The following DPP10 variants were observed in gnomAD, a reference collection of about 807,000 sequenced individuals.
DPP10 encodes the protein dipeptidyl peptidase like 10, also known as inactive dipeptidyl peptidase 10.
Under a neutral mutation model 120.9 loss-of-function variants are expected in DPP10, and 33 were observed. The ratio of observed to expected loss-of-function variants is 0.27; its 90% CI spans 0.21 to 0.37. DPP10 has a LOEUF of 0.37. Among genes scored for constraint, DPP10 ranks in the 10% least tolerant of loss-of-function variants. The pLI, the probability that DPP10 is intolerant of heterozygous loss-of-function variation, is 1.00. For synonymous variants in DPP10, 337 were observed against 326.1 expected (o/e 1.03, Z -0.36); for missense variants, 816 against 942.8 (o/e 0.87, Z 1.76).
intron 12 of DPP10, among the ~76,000 whole-genome samples, chr2:115,763,936 A>T (rs1475576039): frequency 6.6e-6 from 1 of 152,146 alleles, no homozygotes; most frequent in South Asian, 2.1e-4. Context: ...GGGACTTCAT[A>T]AGTGCCCTTC....
intron 1 of DPP10, among the ~76,000 whole-genome samples, chr2:114,899,107 T>A (rs532274112): frequency 6.6e-6 from 1 of 151,960 alleles, no homozygotes; most frequent in African/African-American, 2.4e-5. Flanking sequence ...TTCAAAATGA[T>A]CATGAATAGA....
chr2:114,543,760 T>C (rs969660262), intron 1 of DPP10, among the ~76,000 whole-genome samples: 3 of 152,070 alleles, frequency 2.0e-5, no homozygotes, highest in Non-Finnish European at 4.4e-5. Flanking sequence ...TTTTTTTTTT[T>C]CTCCTTGTAT....
chr2:115,035,663 T>C (rs1704179137), intron 1 of DPP10, among the ~76,000 whole-genome samples: 1 of 152,172 alleles, frequency 6.6e-6, no homozygotes, highest in Admixed American at 6.5e-5. Context: ...ATCCTTTACA[T>C]TTATACCCCA....
intron 1 of DPP10, among the ~76,000 whole-genome samples, chr2:114,449,933 A>G (rs1293735146): frequency 6.6e-6 from 1 of 152,194 alleles, no homozygotes; most frequent in Middle Eastern, 3.2e-3. Context: ...CATCTGCAAG[A>G]TTTCATCATG....
intron 21 of DPP10, among the ~76,000 whole-genome samples, chr2:115,821,303 T>A (rs1420367570): frequency 2.0e-5 from 3 of 152,166 alleles, no homozygotes; most frequent in Non-Finnish European, 4.4e-5. Context: ...ACAGAATTAT[T>A]ATATCTTCTG....
At chr2:114,465,654 A>G (rs1345979974) in intron 1 of DPP10, among the ~76,000 whole-genome samples, 1 of 152,204 alleles carries the variant, frequency 6.6e-6, no homozygotes, top group Non-Finnish European at 1.5e-5. Flanking sequence ...ATATAAAAAC[A>G]ATTTTTAAAT....
chr2:114,552,063 G>A (rs1009290605), intron 1 of DPP10, among the ~76,000 whole-genome samples: 2 of 152,106 alleles, frequency 1.3e-5, no homozygotes, highest in African/African-American at 4.8e-5. Flanking sequence ...AAGTTGTTTC[G>A]GCTAGGTACC....
rs1334134503 is a variant in DPP10 at position 115,628,879 on chromosome 2, A to G, written c.442-60808A>G. Among the ~76,000 whole-genome samples, 17 of 151,954 alleles carry G rather than the reference A, an allele frequency of 1.1e-4. 1 individual carries two copies. In the East Asian group the frequency reaches 3.3e-3, roughly 29 times the overall value. The stretch of plus-strand genomic sequence containing the variant: ...TGTGCACAACGTGCAGGTTTGTTAC[A>G]TATGTATACATGTGCCATGTTGGTG... On this transcript the variant is annotated intron_variant, in intron 5 of 25. Transcript: ENST00000410059.
At chr2:114,663,688 G>GAA (rs1553479113) in intron 1 of DPP10, among the ~76,000 whole-genome samples, 4 of 147,452 alleles carry the variant, frequency 2.7e-5, no homozygotes, top group Non-Finnish European at 4.5e-5. Context: ...GAGAGAGAGA[G>GAA]AGAGAGAGAA....
At chr2:114,947,290 A>G (rs1697436827) in intron 1 of DPP10, among the ~76,000 whole-genome samples, 2 of 151,788 alleles carry the variant, frequency 1.3e-5, no homozygotes, top group South Asian at 4.1e-4. Flanking sequence ...GATAACACAA[A>G]TTTTAATTTT....
intron 1 of DPP10, among the ~76,000 whole-genome samples, chr2:115,271,190 C>T (rs552305280): frequency 8.5e-5 from 13 of 152,224 alleles, no homozygotes; most frequent in Admixed American, 2.6e-4. Context: ...AAATTAAATT[C>T]AATTTGATTA....
intron 1 of DPP10, among the ~76,000 whole-genome samples, chr2:114,462,324 CTTTA>C (rs1309328620): frequency 3.3e-5 from 5 of 152,172 alleles, no homozygotes; most frequent in African/African-American, 9.7e-5. Flanking sequence ...AAACTCCATA[CTTTA>C]TTTAACTTTA....
chr2:115,255,203 C>T (rs2058930360), intron 1 of DPP10, among the ~76,000 whole-genome samples: 1 of 152,206 alleles, frequency 6.6e-6, no homozygotes, highest in South Asian at 2.1e-4. Flanking sequence ...CTTCTGTGCA[C>T]CTGCAGGCTC....
rs548306399 is a variant in DPP10 at position 115,481,433 on chromosome 2, G to T, written c.272-18077G>T. Among the ~76,000 whole-genome samples, 7 of 152,234 alleles carry T rather than the reference G, an allele frequency of 4.6e-5. No homozygotes were observed. In the East Asian group the frequency reaches 7.7e-4, roughly 17 times the overall value. ...AGCTTAAGGAAGCAGTATAAGCATC[G>T]TTCATTCATTCAGAGATAACCGGTA... On this transcript the variant is annotated intron_variant, in intron 3 of 25. Transcript: ENST00000410059.
intron 3 of DPP10, among the ~76,000 whole-genome samples, chr2:115,435,206 G>A (rs1574837483): frequency 6.6e-6 from 1 of 151,886 alleles, no homozygotes; most frequent in Non-Finnish European, 1.5e-5. Flanking sequence ...ACCCAGCAGC[G>A]AGATTGAATA....
chr2:114,687,430 C>T (rs1699446072), intron 1 of DPP10, among the ~76,000 whole-genome samples: 1 of 151,920 alleles, frequency 6.6e-6, no homozygotes, highest in South Asian at 2.1e-4. Flanking sequence ...AAATTGGCCA[C>T]CTAATTTGGA....
At chr2:115,244,331 G>A (rs1029352305) in intron 1 of DPP10, among the ~76,000 whole-genome samples, 1 of 149,404 alleles carries the variant, frequency 6.7e-6, no homozygotes. Context: ...TGGCCTTTTT[G>A]AATTACTTTT....
At chr2:115,585,430 C>T (rs2149144115) in intron 5 of DPP10, among the ~76,000 whole-genome samples, 1 of 152,248 alleles carries the variant, frequency 6.6e-6, no homozygotes, top group Admixed American at 6.5e-5. Context: ...GTCAATTTAT[C>T]AAGGTTACTA....
At chr2:115,446,408 A>C (rs2072592967) in intron 3 of DPP10, among the ~76,000 whole-genome samples, 1 of 152,186 alleles carries the variant, frequency 6.6e-6, no homozygotes, top group Admixed American at 6.5e-5. Context: ...CAGACCCCAG[A>C]ATGGCAGATC....
Sources: gnomAD v4.1 joint callset for allele counts (sites outside exome capture counted in the v4.1 genomes callset) on GRCh38, gnomAD v4.1.1 for gene constraint, MANE v1.5 for transcripts, NCBI Gene and HGNC (gene_info 2026-07-23, HGNC 2026-07-21) for gene names.